Variants in COL5A2 observed in about 807,000 individuals in gnomAD.
COL5A2 encodes the protein collagen alpha-2(V) chain.
COL5A2 carries 23 observed loss-of-function variants against 208.2 expected under a neutral mutation model. The observed-to-expected ratio is 0.11, with a 90% confidence interval of 0.08 to 0.16. COL5A2 has a LOEUF of 0.16. Ranked by LOEUF, COL5A2 falls within the 10% of genes least tolerant of loss-of-function variation. The pLI, the probability that COL5A2 is intolerant of heterozygous loss-of-function variation, is 1.00. For synonymous variants in COL5A2, 625 were observed against 628.5 expected, an observed-to-expected ratio of 0.99 and a Z score of 0.08; for missense variants, 1,590 against 1,956.4, an observed-to-expected ratio of 0.81 and a Z score of 3.53.
chr2:189,303,762 G>A, the COL5A2 span, among the ~76,000 whole-genome samples: 1 of 152,308 alleles, frequency 6.6e-6, no homozygotes, highest in East Asian at 1.9e-4. Flanking sequence ...ACGCGGAGCT[G>A]TAACCAATGT....
chr2:189,253,186 C>A, the COL5A2 span, among the ~76,000 whole-genome samples: 1 of 152,120 alleles, frequency 6.6e-6, no homozygotes, highest in Admixed American at 6.6e-5. Flanking sequence ...GGACCTTATT[C>A]CTAGGAAACA....
chr2:189,123,510 G>A (rs1687550183), intron 1 of COL5A2, among the ~76,000 whole-genome samples: 1 of 152,112 alleles, frequency 6.6e-6, no homozygotes, highest in African/African-American at 2.4e-5. Flanking sequence ...GGAGGGAAGA[G>A]GGGAATAGAT....
At chr2:189,190,154 T>C (rs1031375786) in intron 1 of COL5A2, among the ~76,000 whole-genome samples, 5 of 152,112 alleles carry the variant, frequency 3.3e-5, no homozygotes, top group African/African-American at 1.2e-4. Context: ...CTAAAGCAGG[T>C]TTCATTCACC....
At chr2:189,350,207 G>A in the COL5A2 span, among the ~76,000 whole-genome samples, 4 of 151,974 alleles carry the variant, frequency 2.6e-5, no homozygotes, top group Non-Finnish European at 1.5e-5. Flanking sequence ...TATATTTGAC[G>A]TACATATGTA....
intron 23 of COL5A2, 25 bp downstream of exon 23, chr2:189,066,365 A>G (rs1576504423): frequency 6.4e-7 from 1 of 1,563,352 alleles, no homozygotes; most frequent in South Asian, 1.1e-5. Flanking sequence ...CAACTGTAAG[A>G]ATGTGTTGTA....
chr2:189,097,767 T>C (rs534140560), intron 5 of COL5A2: 222 of 443,106 alleles, frequency 5.0e-4, no homozygotes, highest in African/African-American at 3.0e-3. Flanking sequence ...ATCAAATTGG[T>C]ACATGATACC....
chr2:189,156,380 A>G (rs1325028591), intron 1 of COL5A2, among the ~76,000 whole-genome samples: 1 of 152,176 alleles, frequency 6.6e-6, no homozygotes, highest in African/African-American at 2.4e-5. Flanking sequence ...TTTGATATAT[A>G]CTGACAACTG....
At chr2:189,339,963 C>G in the COL5A2 span, among the ~76,000 whole-genome samples, 2 of 152,160 alleles carry the variant, frequency 1.3e-5, no homozygotes, top group African/African-American at 4.8e-5. Context: ...TATGGGACAA[C>G]TGGGCCAGTT....
chr2:189,319,790 C>A, the COL5A2 span, among the ~76,000 whole-genome samples: 2 of 152,198 alleles, frequency 1.3e-5, no homozygotes, highest in African/African-American at 4.8e-5. Flanking sequence ...CTTAAATGTC[C>A]CTGTCTGACA....
chr2:189,074,947 G>A (rs182444842), intron 17 of COL5A2, among the ~76,000 whole-genome samples: 93 of 152,146 alleles, frequency 6.1e-4, no homozygotes, highest in African/African-American at 2.0e-3. Flanking sequence ...CTGAATGATC[G>A]CACATTAACT....
chr2:189,039,450 A>G lies in COL5A2; in HGVS notation c.3747T>C (p.Pro1249=), dbSNP rs1392617245. Residue 1249 remains proline (P), a synonymous_variant, in exon 51 of 54, where the codon CCT becomes CCC. Transcript: ENST00000374866. ...GAGCCGCCTGATCTTCAGTAAACTC[A>G]GGAAGTGGATCTGGCATGCTTTCAT... ...HYDESMPDPL[P]EFTEDQAAPD... The G allele has an allele frequency of 6.2e-7, 1 of 1,614,012 alleles. No individual in the cohort carries two copies. Among genetic ancestry groups the G allele is most frequent in the Non-Finnish European group, 8.5e-7 (1 of 1,180,026 alleles).
rs1373443304 is a variant in COL5A2, at chr2:189,057,038, C to A, written c.2338-12G>T. 6.2e-7 allele frequency: 1 copy of A among 1,612,604 alleles called. No homozygotes were observed. Among genetic ancestry groups the A allele is most frequent in the Admixed American group, 1.7e-5 (1 of 60,018 alleles). ...TCTCCTATGCCACCCTGGGAAAACA[C>A]ACAAAATACAATTGATTCATTTAAT... On this transcript the variant is annotated splice_polypyrimidine_tract_variant and intron_variant, in intron 34 of 53. Transcript: ENST00000374866.
At chr2:189,052,666 G>T (rs749859719) in intron 40 of COL5A2, 83 bp downstream of exon 40, 89 of 1,332,334 alleles carry the variant, frequency 6.7e-5, no homozygotes, top group Non-Finnish European at 8.8e-5. Context: ...AGTCTCAGAT[G>T]AAAATTATCT....
chr2:189,151,268 C>T (rs1688136451), intron 1 of COL5A2, among the ~76,000 whole-genome samples: 1 of 152,118 alleles, frequency 6.6e-6, no homozygotes, highest in African/African-American at 2.4e-5. Context: ...GATATACATC[C>T]AAAATGTACC....
the COL5A2 span, among the ~76,000 whole-genome samples, chr2:189,315,099 T>C: frequency 6.6e-6 from 1 of 152,172 alleles, no homozygotes; most frequent in African/African-American, 2.4e-5. Context: ...ATCATCCTGA[T>C]ACCCAAACCT....
the COL5A2 span, among the ~76,000 whole-genome samples, chr2:189,343,701 T>A: frequency 6.6e-6 from 1 of 152,164 alleles, no homozygotes; most frequent in Non-Finnish European, 1.5e-5. Flanking sequence ...CAGGTGTTCA[T>A]CTAAGTAAGA....
the COL5A2 span, among the ~76,000 whole-genome samples, chr2:189,232,769 C>T: frequency 6.6e-6 from 1 of 151,702 alleles, no homozygotes; most frequent in African/African-American, 2.4e-5. Flanking sequence ...CTTGCCCTTT[C>T]TCCCATGTAA....
At chr2:189,184,443 A>G (rs771236604), upstream of COL5A2, among the ~76,000 whole-genome samples, 1 of 152,220 alleles carries the variant, frequency 6.6e-6, no homozygotes, top group Non-Finnish European at 1.5e-5. Flanking sequence ...GAAATCTGAC[A>G]TGGATCTCGT....
the COL5A2 span, among the ~76,000 whole-genome samples, chr2:189,282,000 A>G: frequency 2.0e-5 from 3 of 152,162 alleles, no homozygotes; most frequent in Non-Finnish European, 2.9e-5. Context: ...CCTGGCTAAC[A>G]TGGCAAAACC....
Sources: gnomAD v4.1 joint callset for allele counts (sites outside exome capture counted in the v4.1 genomes callset) on GRCh38, gnomAD v4.1.1 for gene constraint, MANE v1.5 for transcripts, NCBI Gene and HGNC (gene_info 2026-07-23, HGNC 2026-07-21) for gene names.